RARB: variants seen among roughly 807,000 people sequenced by gnomAD.
The protein encoded by RARB is retinoic acid receptor beta, also known as HBV-activated protein.
Under a neutral mutation model 51.9 loss-of-function variants are expected in RARB, and 17 were observed. The ratio of observed to expected loss-of-function variants is 0.33; its 90% CI spans 0.22 to 0.49. The LOEUF (loss-of-function observed/expected upper bound fraction) is 0.49, where lower values mean the gene tolerates loss of function less well. Among genes scored for constraint, RARB ranks in the 20% least tolerant of loss-of-function variants. The pLI is 0.99. For missense variants in RARB, 369 were observed against 550.8 expected (o/e 0.67, Z 3.30); for synonymous variants, 215 against 195.4 (o/e 1.10, Z -0.84).
chr3:25,575,882 G>A (rs1040676197), intron 4 of RARB, among the ~76,000 whole-genome samples: 2 of 152,188 alleles, frequency 1.3e-5, no homozygotes, highest in Non-Finnish European at 2.9e-5. Flanking sequence ...TGCAGAACTG[G>A]AGTGCATGGA....
intron 4 of RARB, among the ~76,000 whole-genome samples, chr3:25,137,509 C>G (rs755542025): frequency 6.6e-6 from 1 of 151,892 alleles, no homozygotes; most frequent in Non-Finnish European, 1.5e-5. Context: ...TTAGTTTGGT[C>G]AGATATAGAA....
intron 3 of RARB, among the ~76,000 whole-genome samples, chr3:25,509,699 T>C (rs1697793650): frequency 6.6e-6 from 1 of 152,102 alleles, no homozygotes; most frequent in Admixed American, 6.5e-5. Context: ...TGGAGAAAAC[T>C]GAACTGGGGT....
chr3:25,436,726 C>T (rs1708450629), intron 1 of RARB, among the ~76,000 whole-genome samples: 1 of 152,208 alleles, frequency 6.6e-6, no homozygotes, highest in Non-Finnish European at 1.5e-5. Flanking sequence ...TATCCTATCA[C>T]CTGTACCTCA....
chr3:25,491,278 C>T (rs1416886544), intron 2 of RARB, among the ~76,000 whole-genome samples: 1 of 152,060 alleles, frequency 6.6e-6, no homozygotes, highest in Admixed American at 6.5e-5. Flanking sequence ...CCCCTGCACC[C>T]CCACCCCCAA....
chr3:25,052,571 A>G (rs955405312), intron 2 of RARB, among the ~76,000 whole-genome samples: 3 of 152,200 alleles, frequency 2.0e-5, no homozygotes, highest in African/African-American at 7.2e-5. Context: ...AAAATAGGGT[A>G]GGAAATGTCT....
chr3:25,585,990 T>G (rs1701369248), intron 5 of RARB, among the ~76,000 whole-genome samples: 1 of 152,160 alleles, frequency 6.6e-6, no homozygotes, highest in African/African-American at 2.4e-5. Context: ...AGGTAAATAC[T>G]GTTGTAAAAC....
At chr3:25,145,145 A>G (rs1448603020) in intron 4 of RARB, among the ~76,000 whole-genome samples, 1 of 152,186 alleles carries the variant, frequency 6.6e-6, no homozygotes, top group Non-Finnish European at 1.5e-5. Flanking sequence ...GGCTCCCTGT[A>G]AAGCAAAATA....
intron 5 of RARB, among the ~76,000 whole-genome samples, chr3:25,190,056 C>T (rs549783378): frequency 1.3e-5 from 2 of 151,966 alleles, no homozygotes; most frequent in African/African-American, 4.8e-5. Flanking sequence ...CCAATTTATT[C>T]CTCAGTTTGG....
At chr3:25,038,889 A>T (rs1449612068) in intron 2 of RARB, among the ~76,000 whole-genome samples, 1 of 152,204 alleles carries the variant, frequency 6.6e-6, no homozygotes, top group African/African-American at 2.4e-5. Flanking sequence ...GTAAAAATAG[A>T]AATCTAATCT....
At chr3:25,269,690 A>C (rs1251120776) in intron 5 of RARB, among the ~76,000 whole-genome samples, 1 of 152,190 alleles carries the variant, frequency 6.6e-6, no homozygotes, top group African/African-American at 2.4e-5. Context: ...TAGTAAACTC[A>C]CTTAACAGCT....
At chr3:25,238,182 T>C (rs886555603) in intron 5 of RARB, among the ~76,000 whole-genome samples, 2 of 151,594 alleles carry the variant, frequency 1.3e-5, no homozygotes, top group African/African-American at 2.4e-5. Context: ...GTCTCTGGTA[T>C]CTAGGATTCT....
chr3:25,385,136 T>C (rs573024301), intron 5 of RARB, among the ~76,000 whole-genome samples: 2 of 152,314 alleles, frequency 1.3e-5, no homozygotes, highest in East Asian at 3.9e-4. Flanking sequence ...TGCAATGCAC[T>C]CCATATATTC....
chr3:25,354,909 A>G (rs1705686508), intron 5 of RARB, among the ~76,000 whole-genome samples: 1 of 149,100 alleles, frequency 6.7e-6, no homozygotes, highest in South Asian at 2.1e-4. Context: ...TTCCTTTTCC[A>G]TCCAGCATAG....
chr3:25,126,288 T>A (rs1559475582), intron 3 of RARB, among the ~76,000 whole-genome samples: 1 of 152,184 alleles, frequency 6.6e-6, no homozygotes, highest in East Asian at 1.9e-4. Flanking sequence ...GTAACCAGAT[T>A]TGTGCAGATT....
At chr3:25,479,358 A>G (rs1295513518) in intron 2 of RARB, among the ~76,000 whole-genome samples, 1 of 152,108 alleles carries the variant, frequency 6.6e-6, no homozygotes, top group East Asian at 1.9e-4. Context: ...GCTTTGTAAA[A>G]TCTCAGCCTT....
chr3:25,081,602 TATATATATA>T (rs1698997823), intron 3 of RARB, among the ~76,000 whole-genome samples: 1 of 18,570 alleles, frequency 5.4e-5, no homozygotes, highest in East Asian at 1.9e-3. Context: ...TATATATATA[TATATATATA>T]TATATATATA....
At chr3:25,114,519 C>T (rs568108667) in intron 3 of RARB, among the ~76,000 whole-genome samples, 112 of 152,186 alleles carry the variant, frequency 7.4e-4, no homozygotes, top group Middle Eastern at 3.4e-3. Context: ...TATATTTTAC[C>T]GATTGTAAGA....
chr3:25,384,402 A>G (rs962437154), intron 5 of RARB, among the ~76,000 whole-genome samples: 1 of 152,202 alleles, frequency 6.6e-6, no homozygotes, highest in African/African-American at 2.4e-5. Context: ...TAGAATAACA[A>G]TGAGAGTTGT....
intron 2 of RARB, among the ~76,000 whole-genome samples, chr3:24,892,416 T>A (rs558754578): frequency 7.2e-5 from 11 of 152,184 alleles, no homozygotes; most frequent in African/African-American, 2.6e-4. Context: ...CTCAGTTGTT[T>A]GCACCAAGCA....
Sources: gnomAD v4.1 joint callset for allele counts (sites outside exome capture counted in the v4.1 genomes callset) on GRCh38, gnomAD v4.1.1 for gene constraint, MANE v1.5 for transcripts, NCBI Gene and HGNC (gene_info 2026-07-23, HGNC 2026-07-21) for gene names.